The following R3HDM1 variants were observed in gnomAD, a reference collection of about 807,000 sequenced individuals.
R3HDM1 encodes the protein R3H domain-containing protein 1.
R3HDM1 carries 46 observed loss-of-function variants against 141.1 expected under a neutral mutation model. That is an observed-to-expected ratio of 0.33 (90% CI 0.26 to 0.42). The LOEUF (loss-of-function observed/expected upper bound fraction) is 0.42. Ranked by LOEUF, R3HDM1 falls within the 10% of genes least tolerant of loss-of-function variation. The pLI, the probability that R3HDM1 is intolerant of heterozygous loss-of-function variation, is 1.00. For missense variants in R3HDM1, 1,184 were observed against 1,368.3 expected, an observed-to-expected ratio of 0.87 and a Z score of 2.12; for synonymous variants, 435 against 472.9, an observed-to-expected ratio of 0.92 and a Z score of 1.04.
Position 135,627,726 on chromosome 2 carries a change from C to G in R3HDM1, c.498-3992C>G, listed in dbSNP as rs902328428. 2.0e-5 allele frequency among the ~76,000 whole-genome samples: 3 copies of G among 152,030 alleles called. No homozygotes were observed. In the East Asian group the frequency reaches 5.8e-4, roughly 29 times the overall value. ...CTAGGGAACGTCACGTATTTGTTCT[C>G]TGAAATATCTTCTAAAAGTCATTTT... On this transcript the variant is annotated intron_variant, in intron 7 of 26. Transcript: ENST00000683871.
chr2:135,691,524 T>C (rs911682960), intron 21 of R3HDM1, among the ~76,000 whole-genome samples: 1 of 151,886 alleles, frequency 6.6e-6, no homozygotes, highest in African/African-American at 2.4e-5. Context: ...TGAGGTGGGA[T>C]GAGCCCAGGA....
At chr2:135,702,210 T>A in intron 21 of R3HDM1, among the ~76,000 whole-genome samples, 1 of 94,970 alleles carries the variant, frequency 1.1e-5, no homozygotes. Flanking sequence ...AGACGTTGTC[T>A]CAGGGGGAAA....
chr2:135,700,928 A>G (rs2074104235), intron 21 of R3HDM1, among the ~76,000 whole-genome samples: 3 of 152,156 alleles, frequency 2.0e-5, no homozygotes, highest in Non-Finnish European at 4.4e-5. Flanking sequence ...AATGCCTGAA[A>G]CCATGGAATT....
rs539516516 is a variant in R3HDM1 at position 135,597,205 on chromosome 2, T to G, written c.-249-5295T>G. On this transcript the variant is annotated intron_variant, in intron 1 of 26. Transcript: ENST00000683871. ...GTCCTCCTAAAATTATTATTTATAT[T>G]TGTTGGTAAGTGTCATCATTAACCT... 4.1e-6 allele frequency: 4 copies of G among 974,306 alleles called. No homozygotes were observed. The South Asian group carries it at 1.9e-4, about 46-fold the overall frequency. The allele number at this position is 974,306 out of a possible 1,614,324, so 60.4% of individuals were successfully genotyped here.
intron 19 of R3HDM1, 152 bp downstream of exon 19, chr2:135,661,545 G>A: frequency 9.9e-7 from 1 of 1,012,066 alleles, no homozygotes; most frequent in Non-Finnish European, 1.4e-6. Flanking sequence ...TTAAAAGAGT[G>A]AGCAAATCTT....
chr2:135,640,080 CAG>C (rs1393061065), intron 14 of R3HDM1, among the ~76,000 whole-genome samples: 6 of 146,050 alleles, frequency 4.1e-5, no homozygotes, highest in African/African-American at 1.5e-4. Context: ...GCCTGGGCAA[CAG>C]AGCGAGACTC....
At chr2:135,585,926 C>T (rs1276621256) in intron 1 of R3HDM1, among the ~76,000 whole-genome samples, 1 of 152,174 alleles carries the variant, frequency 6.6e-6, no homozygotes, top group African/African-American at 2.4e-5. Context: ...AGATGCAAAA[C>T]TGTCACAGGA....
At chr2:135,619,812 G>A in intron 5 of R3HDM1, 2 of 704,394 alleles carry the variant, frequency 2.8e-6, no homozygotes, top group Non-Finnish European at 3.5e-6. Flanking sequence ...GCAATTAAGA[G>A]AGAGATGTCA....
intron 19 of R3HDM1, among the ~76,000 whole-genome samples, chr2:135,672,249 T>G (rs1021005337): frequency 5.3e-5 from 8 of 152,212 alleles, no homozygotes; most frequent in Admixed American, 2.6e-4. Flanking sequence ...TTCACAGTCT[T>G]TAAAATCTAG....
At chr2:135,670,164 A>T (rs2068128613) in intron 19 of R3HDM1, 1 of 342,856 alleles carries the variant, frequency 2.9e-6, no homozygotes, top group African/African-American at 2.3e-5. Flanking sequence ...AAAAACCAAC[A>T]AAAAAGATTA....
chr2:135,600,397 A>G (rs1480525507), intron 1 of R3HDM1, among the ~76,000 whole-genome samples: 3 of 152,150 alleles, frequency 2.0e-5, no homozygotes, highest in Non-Finnish European at 2.9e-5. Context: ...GGCTCAGCCA[A>G]CTGCTGATCT....
chr2:135,692,167 C>G (rs1011462229), intron 21 of R3HDM1, among the ~76,000 whole-genome samples: 1 of 152,166 alleles, frequency 6.6e-6, no homozygotes, highest in African/African-American at 2.4e-5. Context: ...ACCTCAGCCT[C>G]CCAAAGTGCT....
intron 2 of R3HDM1, among the ~76,000 whole-genome samples, chr2:135,603,942 A>C (rs1007280921): frequency 6.6e-6 from 1 of 152,196 alleles, no homozygotes; most frequent in Non-Finnish European, 1.5e-5. Context: ...TTTGCAGCTT[A>C]AAATGAGTGC....
intron 24 of R3HDM1, among the ~76,000 whole-genome samples, chr2:135,720,491 T>C (rs994296468): frequency 2.6e-5 from 4 of 152,254 alleles, no homozygotes; most frequent in African/African-American, 7.2e-5. Context: ...AAAAACCTTA[T>C]TATCCAAGAC....
intron 7 of R3HDM1, among the ~76,000 whole-genome samples, chr2:135,628,049 C>T (rs974221185): frequency 1.3e-5 from 2 of 152,022 alleles, no homozygotes; most frequent in South Asian, 2.1e-4. Flanking sequence ...AAAGGTTACA[C>T]GATAGAAGTT....
chr2:135,598,362 T>TAC (rs1324550783), intron 1 of R3HDM1, among the ~76,000 whole-genome samples: 3 of 152,318 alleles, frequency 2.0e-5, no homozygotes, highest in South Asian at 2.1e-4. Context: ...TATCTTCTTG[T>TAC]ACACACACAA....
intron 16 of R3HDM1, among the ~76,000 whole-genome samples, chr2:135,646,892 A>AGAAG (rs1553601777): frequency 6.8e-6 from 1 of 146,584 alleles, no homozygotes; most frequent in Non-Finnish European, 1.5e-5. Context: ...AAAAAAAAAA[A>AGAAG]AAGAAGAAGT....
chr2:135,565,818 G>T, intron 1 of R3HDM1: 1 of 152,952 alleles, frequency 6.5e-6, no homozygotes, highest in South Asian at 1.8e-4. Context: ...ACCAGGTCAT[G>T]GGGGCGATGA....
At chr2:135,695,240 CT>C (rs1469954177) in intron 21 of R3HDM1, among the ~76,000 whole-genome samples, 2 of 152,168 alleles carry the variant, frequency 1.3e-5, no homozygotes. Flanking sequence ...ACAATTTAGT[CT>C]TGACTCCAAT....
Sources: allele counts gnomAD v4.1 joint callset (sites outside exome capture counted in the v4.1 genomes callset), GRCh38; gene constraint gnomAD v4.1.1; transcripts MANE v1.5; gene names NCBI Gene and HGNC (gene_info 2026-07-23, HGNC 2026-07-21).